The following TNFSF10 variants were observed in gnomAD, a reference collection of about 807,000 sequenced individuals.
TNFSF10 encodes the protein TNF superfamily member 10.
A neutral mutation model predicts 29.5 loss-of-function variants in TNFSF10; 13 were observed. The ratio of observed to expected loss-of-function variants is 0.44; its 90% CI spans 0.29 to 0.70. The LOEUF (loss-of-function observed/expected upper bound fraction) is 0.70, where lower values mean the gene tolerates loss of function less well. TNFSF10 is among the 30% of genes least tolerant of loss of function. The pLI is 0.13. For synonymous variants in TNFSF10, 111 were observed against 112.8 expected, an observed-to-expected ratio of 0.98 and a Z score of 0.10; for missense variants, 345 against 330.9, an observed-to-expected ratio of 1.04 and a Z score of -0.33.
Position 172,518,026 on chromosome 3 carries a change from C to T in TNFSF10, c.133-3028G>A, listed in dbSNP as rs138169428. The T allele has an allele frequency of 9.2e-5, 91 of 988,000 alleles. No individual in the cohort carries two copies. In the African/African-American group the frequency reaches 1.4e-3, roughly 15 times the overall value. 61.2% of individuals were successfully genotyped at this position (988,000 alleles called of 1,614,324 possible). ...GGTGACTAGACACATGGCGGGTTGACGTGAGGTGCTGTGGTTATTCCAAGA... is the reference window on the plus strand; with the variant it reads ...GGTGACTAGACACATGGCGGGTTGATGTGAGGTGCTGTGGTTATTCCAAGA... On this transcript the variant is annotated intron_variant, in intron 1 of 4. Coordinates refer to ENST00000241261, the MANE Select transcript of TNFSF10 (RefSeq NM_003810.4).
chr3:172,507,328 C>T (rs762304597), intron 4 of TNFSF10: 5 of 164,286 alleles, frequency 3.0e-5, no homozygotes, highest in East Asian at 1.8e-4. Context: ...CCGAAATAAA[C>T]GTATCTATTT....
chr3:172,509,364 A>G (rs951393682), intron 3 of TNFSF10, 43 bp from the exon 4 acceptor site: 1 of 1,517,778 alleles, frequency 6.6e-7, no homozygotes, highest in South Asian at 1.1e-5. Flanking sequence ...TTGCCAAACT[A>G]GTTCTCCAAT....
chr3:172,520,127 T>A (rs1379895352), intron 1 of TNFSF10, among the ~76,000 whole-genome samples: 2 of 152,240 alleles, frequency 1.3e-5, no homozygotes, highest in Non-Finnish European at 2.9e-5. Context: ...TAATATACAA[T>A]GAATTAAAAT....
chr3:172,523,412 G>A lies in TNFSF10; in HGVS notation c.-28C>T, dbSNP rs770238933. 1.3e-6 allele frequency: 2 copies of A among 1,597,322 alleles called. No homozygotes were observed. The highest frequency in any genetic ancestry group is 1.7e-6 in the Non-Finnish European group (2 of 1,167,664). The stretch of plus-strand genomic sequence containing the variant: ...TCCTGTCAGAGTCTGACTGCTGTAA[G>A]TCAGCCAGGCAGCCGGTCACTGAAG... On this transcript the variant is annotated 5_prime_UTR_variant, in exon 1 of 5. Coordinates refer to ENST00000241261, the MANE Select transcript of TNFSF10 (RefSeq NM_003810.4).
At chr3:172,517,673 G>T (rs974187138) in intron 1 of TNFSF10, 1 of 985,302 alleles carries the variant, frequency 1.0e-6, no homozygotes, top group African/African-American at 1.7e-5. Context: ...TTTGAGTATG[G>T]TTGTTTTCTC....
At chr3:172,520,904 C>A (rs1025071320) in intron 1 of TNFSF10, among the ~76,000 whole-genome samples, 3 of 152,186 alleles carry the variant, frequency 2.0e-5, no homozygotes, top group African/African-American at 7.2e-5. Context: ...CACTACACAT[C>A]TACAACCACC....
intron 4 of TNFSF10, among the ~76,000 whole-genome samples, chr3:172,508,941 TTACTC>T (rs201681746): frequency 0.011 from 1,194 of 104,932 alleles, 16 homozygotes; most frequent in African/African-American, 0.046. Context: ...GAGCGAGAAA[TTACTC>T]TAAAGAAGGA....
At chr3:172,509,442 T>C in intron 3 of TNFSF10, 121 bp from the exon 4 acceptor site, 1 of 614,482 alleles carries the variant, frequency 1.6e-6, no homozygotes, top group East Asian at 2.9e-5. Flanking sequence ...GTTGATTCTA[T>C]GAGTTTTCAT....
intron 1 of TNFSF10, chr3:172,522,355 G>C (rs995098928): frequency 8.5e-7 from 1 of 1,174,500 alleles, no homozygotes; most frequent in Non-Finnish European, 1.3e-6. Context: ...TCGACAGGAA[G>C]TATCACAGTA....
chr3:172,519,494 G>A (rs1713588736), intron 1 of TNFSF10, among the ~76,000 whole-genome samples: 1 of 152,152 alleles, frequency 6.6e-6, no homozygotes, highest in African/African-American at 2.4e-5. Flanking sequence ...AGAAAGGTTA[G>A]GAAATTCTGG....
intron 1 of TNFSF10, chr3:172,518,175 G>T (rs1227843052): frequency 1.3e-5 from 14 of 1,106,088 alleles, no homozygotes; most frequent in Non-Finnish European, 1.4e-5. Flanking sequence ...TGGGCATTGG[G>T]GGCAGAAGGT....
chr3:172,509,579 A>G (rs1202353732), intron 3 of TNFSF10, among the ~76,000 whole-genome samples: 1 of 152,238 alleles, frequency 6.6e-6, no homozygotes, highest in Non-Finnish European at 1.5e-5. Flanking sequence ...GTAGGGTCCA[A>G]AGAGAAACAA....
intron 3 of TNFSF10, among the ~76,000 whole-genome samples, chr3:172,510,316 C>T (rs1348461308): frequency 6.6e-6 from 1 of 152,038 alleles, no homozygotes; most frequent in Non-Finnish European, 1.5e-5. Context: ...ATCAGCCAGG[C>T]GTGTTGGCCT....
chr3:172,513,110 G>A (rs559671879), intron 2 of TNFSF10, among the ~76,000 whole-genome samples: 8 of 152,216 alleles, frequency 5.3e-5, no homozygotes, highest in African/African-American at 1.4e-4. Flanking sequence ...CCAGCTTCCC[G>A]CTATTCTAGT....
chr3:172,509,140 A>G, intron 4 of TNFSF10, 77 bp downstream of exon 4: 1 of 1,246,928 alleles, frequency 8.0e-7, no homozygotes, highest in Non-Finnish European at 1.1e-6. Flanking sequence ...TTCAGATAAA[A>G]TTCTTTAAAA....
intron 1 of TNFSF10, among the ~76,000 whole-genome samples, chr3:172,520,343 C>CT (rs1713630819): frequency 6.6e-6 from 1 of 152,240 alleles, no homozygotes; most frequent in Non-Finnish European, 1.5e-5. Flanking sequence ...ACAGCTGTGT[C>CT]TATCTGATAA....
intron 2 of TNFSF10, 125 bp downstream of exon 2, chr3:172,514,736 G>T: frequency 1.5e-6 from 2 of 1,308,276 alleles, no homozygotes; most frequent in Non-Finnish European, 1.0e-6. Context: ...AAATACTCTG[G>T]GCCTAAGTTT....
Position 172,517,780 on chromosome 3 carries a change from T to C in TNFSF10, c.133-2782A>G, listed in dbSNP as rs777609022. On this transcript the variant is annotated intron_variant, in intron 1 of 4. Coordinates refer to ENST00000241261, the MANE Select transcript of TNFSF10 (RefSeq NM_003810.4). ...TATAACATTCCCTGTAGAAAATTTGTAAAATATAGAAAAATAAAAAGGAAA... is the reference window on the plus strand; with the variant it reads ...TATAACATTCCCTGTAGAAAATTTGCAAAATATAGAAAAATAAAAAGGAAA... 4.0e-5 allele frequency: 39 copies of C among 982,448 alleles called. No homozygotes were observed. The South Asian group carries it at 1.7e-3, about 44-fold the overall frequency. The allele number at this position is 982,448 out of a possible 1,614,324, so 60.9% of individuals were successfully genotyped here. A position where few individuals can be genotyped will look rare whatever the true frequency, so the allele number is the denominator to read the frequency against.
intron 1 of TNFSF10, among the ~76,000 whole-genome samples, chr3:172,519,888 G>A (rs866316439): frequency 2.0e-4 from 30 of 152,218 alleles, no homozygotes; most frequent in African/African-American, 6.5e-4. Flanking sequence ...GCTGCAGGAT[G>A]CGCTGTGCAT....
Sources: allele counts gnomAD v4.1 joint callset (sites outside exome capture counted in the v4.1 genomes callset), GRCh38; gene constraint gnomAD v4.1.1; transcripts MANE v1.5; gene names NCBI Gene and HGNC (gene_info 2026-07-23, HGNC 2026-07-21).